Variants in MFAP5 observed in about 807,000 individuals in gnomAD.
The protein encoded by MFAP5 is microfibril associated protein 5, also known as microfibrillar-associated protein 5.
MFAP5 carries 19 observed loss-of-function variants against 30.1 expected under a neutral mutation model. The ratio of observed to expected loss-of-function variants is 0.63; its 90% CI spans 0.44 to 0.93. The LOEUF (loss-of-function observed/expected upper bound fraction) is 0.93, where lower values mean the gene tolerates loss of function less well. Among genes scored for constraint, MFAP5 ranks in the 40% least tolerant of loss-of-function variants. The pLI is 0.00. For missense variants in MFAP5, 210 were observed against 221.3 expected (o/e 0.95, Z 0.32); for synonymous variants, 92 against 72.9 (o/e 1.26, Z -1.33).
chr12:8,654,639 A>AT (rs1421402735), intron 5 of MFAP5, among the ~76,000 whole-genome samples, 158 bp from the exon 6 acceptor site: 1 of 152,116 alleles, frequency 6.6e-6, no homozygotes, highest in Non-Finnish European at 1.5e-5. Flanking sequence ...ATAATTATAA[A>AT]TTTTTTTAAA....
At chr12:8,660,973 A>G in intron 2 of MFAP5, 75 bp from the exon 3 acceptor site, 2 of 1,262,946 alleles carry the variant, frequency 1.6e-6, no homozygotes, top group Non-Finnish European at 2.3e-6. Context: ...GAGACAAATC[A>G]GAAAATCATG....
At position 8,651,773 on chromosome 12, in the gene MFAP5, C is replaced by A. The variant is rs756415300; in HGVS notation, c.218-82G>T. The A allele has an allele frequency of 5.2e-5, 68 of 1,319,776 alleles. 1 individual carries two copies. In the Admixed American group the frequency reaches 1.1e-3, roughly 22 times the overall value. The allele number at this position is 1,319,776 out of a possible 1,614,324, so 81.8% of individuals were successfully genotyped here. A position where few individuals can be genotyped will look rare whatever the true frequency, so the allele number is the denominator to read the frequency against. ...AACTGCCACACTGCCTCACTTAGGA[C>A]CTGCTTGGAGTGCCCATAAATAGGG... On this transcript the variant is annotated intron_variant, in intron 6 of 9. Transcript: ENST00000359478.
chr12:8,652,928 G>A (rs1444247097), intron 6 of MFAP5, among the ~76,000 whole-genome samples: 1 of 152,050 alleles, frequency 6.6e-6, no homozygotes, highest in African/African-American at 2.4e-5. Context: ...GGTGGCTCAT[G>A]CCTGTAATCC....
chr12:8,662,054 G>A lies in MFAP5; in HGVS notation c.51C>T (p.Ile17=). 1 of 1,613,860 alleles carries A rather than the reference G, an allele frequency of 6.2e-7. No individual in the cohort carries two copies. The highest frequency in any genetic ancestry group is 1.1e-5 in the South Asian group (1 of 90,980). ...AAAGAATAAAGGACTCACCAGAGGT[G>A]ATGATGAATGCAGCAAGAAACAGCA... ...KVLLFLAAFI[I]TSDWIPLGVN... Residue 17 remains isoleucine (I), a synonymous_variant, in exon 2 of 10, where the codon ATC becomes ATT. Transcript: ENST00000359478.
intron 8 of MFAP5, 108 bp from the exon 9 acceptor site, chr12:8,649,682 C>T (rs1591564599): frequency 1.3e-6 from 1 of 781,152 alleles, no homozygotes; most frequent in African/African-American, 1.7e-5. Context: ...TCCCCACTTT[C>T]CCTATCTGCT....
intron 3 of MFAP5, among the ~76,000 whole-genome samples, chr12:8,658,152 C>T (rs1413733540): frequency 1.3e-5 from 2 of 152,160 alleles, no homozygotes; most frequent in Non-Finnish European, 2.9e-5. Flanking sequence ...AGTTTGAGAC[C>T]AGTCTGGCCA....
intron 5 of MFAP5, 23 bp from the exon 6 acceptor site, chr12:8,654,504 G>GT (rs1276117715): frequency 3.8e-6 from 6 of 1,593,398 alleles, no homozygotes; most frequent in Non-Finnish European, 5.1e-6. Context: ...AAAACAGCAG[G>GT]TATGAGGAGG....
chr12:8,654,330 C>T, intron 6 of MFAP5, 107 bp downstream of exon 6: 1 of 1,111,196 alleles, frequency 9.0e-7, no homozygotes, highest in East Asian at 2.6e-5. Flanking sequence ...CATAAACTGT[C>T]ATCCTGTCTT....
chr12:8,656,885 C>G (rs2136475069), intron 3 of MFAP5, among the ~76,000 whole-genome samples: 1 of 152,070 alleles, frequency 6.6e-6, no homozygotes, highest in Non-Finnish European at 1.5e-5. Context: ...CCAGGCTGGT[C>G]TTGAACTCCT....
At chr12:8,660,091 A>G (rs1409901634) in intron 3 of MFAP5, among the ~76,000 whole-genome samples, 1 of 152,190 alleles carries the variant, frequency 6.6e-6, no homozygotes, top group African/African-American at 2.4e-5. Flanking sequence ...TGGTGTGAGC[A>G]AAAATTACCT....
rs758360796 is a variant in MFAP5 at position 8,648,657 on chromosome 12, G to T, written c.410-454C>A. ...GAAGTCCCTTGAGATACTTGAAAGT[G>T]CCTAGAGTCCCAAATACCCATCCTC... On this transcript the variant is annotated intron_variant, in intron 9 of 9. Transcript: ENST00000359478. 18 of 582,986 alleles carry T rather than the reference G, an allele frequency of 3.1e-5. 1 individual carries two copies. The highest frequency in any genetic ancestry group is 2.9e-4 in the South Asian group (16 of 55,230). 36.1% of individuals were successfully genotyped at this position (582,986 alleles called of 1,614,324 possible).
chr12:8,660,915 G>GA lies in MFAP5; in HGVS notation c.59-18dup. ...GTATCCAGTCTATAGCAAAGGAAGA[G>GA]AAAAGAGATGTGAGTGACTGCAGCT... On this transcript the variant is annotated splice_polypyrimidine_tract_variant and intron_variant, in intron 2 of 9. Coordinates refer to ENST00000359478, the MANE Select transcript of MFAP5 (RefSeq NM_003480.4). 6.2e-7 allele frequency: 1 copy of GA among 1,606,926 alleles called. No individual in the cohort carries two copies. Among genetic ancestry groups the GA allele is most frequent in the Non-Finnish European group, 8.5e-7 (1 of 1,174,140 alleles).
chr12:8,654,971 C>G (rs1386966426), intron 5 of MFAP5, among the ~76,000 whole-genome samples: 1 of 149,644 alleles, frequency 6.7e-6, no homozygotes, highest in African/African-American at 2.5e-5. Context: ...AGCACTGTCA[C>G]TGAACAACAC....
rs1430928489 is a variant in MFAP5, at chr12:8,646,109, T to C, written c.*1982A>G. 6.5e-6 allele frequency: 1 copy of C among 152,682 alleles called. No homozygotes were observed. Among genetic ancestry groups the C allele is most frequent in the East Asian group, 1.9e-4 (1 of 5,202 alleles). The allele number at this position is 152,682 out of a possible 1,614,324, so 9.5% of individuals were successfully genotyped here. A position where few individuals can be genotyped will look rare whatever the true frequency, so the allele number is the denominator to read the frequency against. On this transcript the variant is annotated 3_prime_UTR_variant, in exon 10 of 10. Coordinates refer to ENST00000359478, the MANE Select transcript of MFAP5 (RefSeq NM_003480.4). ...GTGAAGATATTCTTAAAATTAATCT[T>C]GGAAACTCTGTGCCTATGAGGTTTC... is the stretch of plus-strand genomic sequence containing the variant.
Position 8,648,080 on chromosome 12 carries a change from T to C in MFAP5, c.*11A>G, listed in dbSNP as rs1473829920. 1.9e-6 allele frequency: 3 copies of C among 1,600,182 alleles called. No homozygotes were observed. The highest frequency in any genetic ancestry group is 1.1e-5 in the South Asian group (1 of 90,342). ...CCCATACATTTTTTCTTCTTTCCTC[T>C]TTTTCAATGATCACAGACCATTGGG... On this transcript the variant is annotated 3_prime_UTR_variant, in exon 10 of 10. Transcript: ENST00000359478.
At chr12:8,657,337 T>G (rs1366238939) in intron 3 of MFAP5, among the ~76,000 whole-genome samples, 1 of 151,936 alleles carries the variant, frequency 6.6e-6, no homozygotes, top group Non-Finnish European at 1.5e-5. Context: ...GAGAATCGCT[T>G]GAACCCAGGA....
Position 8,648,062 on chromosome 12 carries a change from AT to A in MFAP5, c.*28del. On this transcript the variant is annotated 3_prime_UTR_variant, in exon 10 of 10. Transcript: ENST00000359478. ...AGATCCTCCTTCCTCTCACCCATACATTTTTTCTTCTTTCCTCTTTTTCAAT... is the reference window on the plus strand; with the variant it reads ...AGATCCTCCTTCCTCTCACCCATACATTTTTCTTCTTTCCTCTTTTTCAAT... The A allele has an allele frequency of 6.5e-7, 1 of 1,549,930 alleles. No homozygotes were observed. The highest frequency in any genetic ancestry group is 8.9e-7 in the Non-Finnish European group (1 of 1,122,950).
At chr12:8,648,233 A>G (rs1941738412) in intron 9 of MFAP5, 30 bp from the exon 10 acceptor site, 1 of 1,530,986 alleles carries the variant, frequency 6.5e-7, no homozygotes, top group Admixed American at 1.7e-5. Context: ...TCATGGGAAG[A>G]GAATGCAGAA....
chr12:8,650,426 G>T, intron 8 of MFAP5, 76 bp downstream of exon 8: 1 of 1,434,444 alleles, frequency 7.0e-7, no homozygotes, highest in Non-Finnish European at 9.8e-7. Flanking sequence ...ATTCCATAGT[G>T]GGTGCTCATT....
Sources: allele counts gnomAD v4.1 joint callset (sites outside exome capture counted in the v4.1 genomes callset), GRCh38; gene constraint gnomAD v4.1.1; transcripts MANE v1.5; gene names NCBI Gene and HGNC (gene_info 2026-07-23, HGNC 2026-07-21).